Variants in CLASP1 observed in about 807,000 individuals in gnomAD.
CLASP1 encodes cytoplasmic linker associated protein 1.
CLASP1 carries 38 observed loss-of-function variants against 192.3 expected under a neutral mutation model. That is an observed-to-expected ratio of 0.20 (90% CI 0.15 to 0.26). The LOEUF is 0.26. CLASP1 is among the 10% of genes least tolerant of loss of function. The pLI, the probability that CLASP1 is intolerant of heterozygous loss-of-function variation, is 1.00. For synonymous variants in CLASP1, 691 were observed against 712.8 expected, an observed-to-expected ratio of 0.97 and a Z score of 0.49; for missense variants, 1,433 against 1,932.5, an observed-to-expected ratio of 0.74 and a Z score of 4.85.
chr2:121,611,260 CAGG>C, intron 1 of CLASP1, among the ~76,000 whole-genome samples: 1 of 107,568 alleles, frequency 9.3e-6, no homozygotes, highest in Non-Finnish European at 1.9e-5. Context: ...GGAGGAGTTA[CAGG>C]AGGAAGAGGA....
chr2:121,639,732 G>A lies in CLASP1; in HGVS notation c.-286+9640C>T, dbSNP rs565834902. On this transcript the variant is annotated intron_variant, in intron 1 of 39. Coordinates refer to ENST00000263710, the Ensembl canonical transcript of CLASP1. ...TACAAAATTAGCCAGGCATGGTGGC[G>A]CATGCCTGTAATCTCAGCTACTCCG... is the stretch of plus-strand genomic sequence containing the variant. Among the ~76,000 whole-genome samples, 20 of 151,766 alleles carry A rather than the reference G, an allele frequency of 1.3e-4. No homozygotes were observed. In the East Asian group the frequency reaches 1.7e-3, roughly 13 times the overall value.
intron 2 of CLASP1, among the ~76,000 whole-genome samples, chr2:121,566,371 G>T (rs1038514893): frequency 2.0e-5 from 3 of 152,284 alleles, no homozygotes; most frequent in Non-Finnish European, 2.9e-5. Flanking sequence ...TGTGTTCTGT[G>T]CTGCACCATA....
At chr2:121,545,377 G>C (rs1056578039) in intron 2 of CLASP1, among the ~76,000 whole-genome samples, 69 of 152,030 alleles carry the variant, frequency 4.5e-4, no homozygotes, top group Non-Finnish European at 9.4e-4. Flanking sequence ...CACGGGGGTG[G>C]GGCGGGCACG....
chr2:121,635,973 A>T (rs556649980), intron 1 of CLASP1, among the ~76,000 whole-genome samples: 61 of 151,834 alleles, frequency 4.0e-4, no homozygotes, highest in African/African-American at 1.4e-3. Context: ...AGGCACAGGC[A>T]GGCACATTGC....
chr2:121,535,091 A>G (rs1463237723), intron 2 of CLASP1, among the ~76,000 whole-genome samples: 1 of 152,222 alleles, frequency 6.6e-6, no homozygotes, highest in East Asian at 1.9e-4. Context: ...TAGCCTGGGC[A>G]ACGTGGCGAA....
chr2:121,375,520 AG>A (rs965343424), intron 34 of CLASP1, among the ~76,000 whole-genome samples: 1 of 151,810 alleles, frequency 6.6e-6, no homozygotes, highest in African/African-American at 2.4e-5. Flanking sequence ...TGCACCACCA[AG>A]CCCAGCTAAT....
At chr2:121,541,790 C>T (rs1252652141) in intron 2 of CLASP1, among the ~76,000 whole-genome samples, 1 of 152,148 alleles carries the variant, frequency 6.6e-6, no homozygotes, top group Non-Finnish European at 1.5e-5. Context: ...AATAATAATA[C>T]ATTTACCTTA....
At chr2:121,391,818 C>T (rs1442221281) in intron 30 of CLASP1, among the ~76,000 whole-genome samples, 1 of 152,104 alleles carries the variant, frequency 6.6e-6, no homozygotes, top group Non-Finnish European at 1.5e-5. Flanking sequence ...GCAGGAGAAT[C>T]GCTGGAACCT....
At chr2:121,530,055 G>A (rs2094719171) in intron 3 of CLASP1, among the ~76,000 whole-genome samples, 192 bp downstream of exon 3, 1 of 148,228 alleles carries the variant, frequency 6.7e-6, no homozygotes, top group African/African-American at 2.5e-5. Flanking sequence ...CGGGGCGGCC[G>A]ACCCAGGCTG....
exon 37 of CLASP1, chr2:121,363,176 T>C (rs2066742054): frequency 1.9e-6 from 3 of 1,613,994 alleles, no homozygotes; most frequent in Non-Finnish European, 2.5e-6. Context: ...ACTCACCTCC[T>C]TATGGGAGTC....
chr2:121,606,028 T>C, exon 2 of CLASP1: 2 of 712,610 alleles, frequency 2.8e-6, no homozygotes, highest in African/African-American at 1.8e-5. Flanking sequence ...AGATGCAATC[T>C]GGGGAATGGC....
At chr2:121,464,391 T>A (rs2088977992) in intron 9 of CLASP1, among the ~76,000 whole-genome samples, 1 of 152,132 alleles carries the variant, frequency 6.6e-6, no homozygotes, top group Admixed American at 6.5e-5. Flanking sequence ...AAATGGTATT[T>A]CTAGTTCTAG....
chr2:121,473,852 A>T (rs1341239671), intron 8 of CLASP1, among the ~76,000 whole-genome samples: 3 of 152,336 alleles, frequency 2.0e-5, no homozygotes, highest in African/African-American at 7.2e-5. Flanking sequence ...TTCTATATCC[A>T]GTGAAAACAT....
At chr2:121,369,940 T>C (rs555678627) in intron 34 of CLASP1, among the ~76,000 whole-genome samples, 10 of 152,326 alleles carry the variant, frequency 6.6e-5, no homozygotes, top group South Asian at 2.1e-4. Context: ...TTCCAAAACA[T>C]TGTATCAGTT....
intron 6 of CLASP1, 51 bp from the exon 7 acceptor site, chr2:121,515,813 A>G: frequency 6.7e-7 from 1 of 1,494,004 alleles, no homozygotes; most frequent in Non-Finnish European, 9.3e-7. Flanking sequence ...TCCCCCAGCA[A>G]GTCCTGCTGG....
intron 2 of CLASP1, among the ~76,000 whole-genome samples, chr2:121,601,079 A>G (rs946564409): frequency 7.2e-5 from 11 of 152,154 alleles, no homozygotes; most frequent in Admixed American, 4.6e-4. Context: ...TTTATTTGAG[A>G]CACTAGATTT....
At chr2:121,568,414 C>T (rs2059696495) in intron 2 of CLASP1, among the ~76,000 whole-genome samples, 1 of 151,880 alleles carries the variant, frequency 6.6e-6, no homozygotes, top group Non-Finnish European at 1.5e-5. Flanking sequence ...GAAAACTCAG[C>T]CTTTGATTTC....
chr2:121,478,884 ACACCACACACACACAC>A (rs2092212775), intron 8 of CLASP1, among the ~76,000 whole-genome samples: 1 of 23,652 alleles, frequency 4.2e-5, no homozygotes, highest in South Asian at 1.4e-3. Flanking sequence ...CACCACACAC[ACACCACACACACACAC>A]CACACCACAC....
chr2:121,367,789 G>A (rs773383542), exon 35 of CLASP1: 105 of 1,613,610 alleles, frequency 6.5e-5, no homozygotes, highest in East Asian at 2.2e-5. Flanking sequence ...CTACCCCCCC[G>A]GCCCTCAGTG....
Sources: gnomAD v4.1 joint callset for allele counts (sites outside exome capture counted in the v4.1 genomes callset) on GRCh38, gnomAD v4.1.1 for gene constraint, MANE v1.5 for transcripts, NCBI Gene and HGNC (gene_info 2026-07-23, HGNC 2026-07-21) for gene names.